ZNF541: variants seen among roughly 807,000 people sequenced by gnomAD.
ZNF541 encodes zinc finger protein 541.
A neutral mutation model predicts 123.5 loss-of-function variants in ZNF541; 23 were observed. The ratio of observed to expected loss-of-function variants is 0.19; its 90% CI spans 0.13 to 0.26. The LOEUF (loss-of-function observed/expected upper bound fraction) is 0.26. Ranked by LOEUF, ZNF541 falls within the 10% of genes least tolerant of loss-of-function variation. The probability of loss-of-function intolerance (pLI) is 1.00; values close to 1 mark genes in which losing one functional copy is unlikely to be tolerated. For synonymous variants in ZNF541, 751 were observed against 754.5 expected (o/e 1.00, Z 0.08); for missense variants, 1,612 against 1,789.9 (o/e 0.90, Z 1.79).
At chr19:47,553,010 G>A (rs1970670854) in intron 3 of ZNF541, among the ~76,000 whole-genome samples, 1 of 151,538 alleles carries the variant, frequency 6.6e-6, no homozygotes, top group Admixed American at 6.6e-5. Context: ...TCGGGAGGCT[G>A]AGGCAGGAGA....
chr19:47,560,159 T>C (rs1038784512), intron 2 of ZNF541, among the ~76,000 whole-genome samples: 1 of 152,094 alleles, frequency 6.6e-6, no homozygotes, highest in Non-Finnish European at 1.5e-5. Context: ...GTTGCAAACA[T>C]TAAAGTCAAA....
rs189786013 is a variant in ZNF541, at chr19:47,558,192, G to A, written c.-98-2238C>T. 4.3e-3 allele frequency among the ~76,000 whole-genome samples: 648 copies of A among 152,226 alleles called. 3 individuals are homozygous for A. The highest frequency in any genetic ancestry group is 0.011 in the South Asian group (54 of 4,820). ...AGCACTTTGGGAGACCGAGGTGGGC[G>A]GATCATGAGGTCAGGAGATCGAGAC... On this transcript the variant is annotated intron_variant, in intron 2 of 16. Transcript: ENST00000391901.
chr19:47,555,691 G>A lies in ZNF541; in HGVS notation c.166C>T (p.Pro56Ser). The A allele has an allele frequency of 6.4e-7, 1 of 1,551,752 alleles. No individual in the cohort carries two copies. Among genetic ancestry groups the A allele is most frequent in the Non-Finnish European group, 8.7e-7 (1 of 1,147,018 alleles). The change falls in exon 3 of 17, where the codon CCC becomes TCC. Residue 56 changes from proline (P) to serine (S), a missense_variant. Around this residue, in one of 5 missense-constraint regions of ZNF541, gnomAD observed 212 missense variants for 289.6 expected, o/e 0.73. Coordinates refer to ENST00000391901, the MANE Select transcript of ZNF541 (RefSeq NM_001277075.3). Reference protein sequence around the residue: ...YAGLSGLDPDPSLPTPDMSSE... With the variant: ...YAGLSGLDPDSSLPTPDMSSE... ...GACATGTCAGGCGTTGGGAGGCTGG[G>A]GTCCGGGTCCAGACCACTCAGGCCA...
chr19:47,565,350 A>G (rs1000871636), intron 2 of ZNF541, among the ~76,000 whole-genome samples: 1 of 152,182 alleles, frequency 6.6e-6, no homozygotes, highest in Non-Finnish European at 1.5e-5. Context: ...AACCCAGTAC[A>G]TCTGGATCAT....
chr19:47,553,262 G>A (rs117799967), intron 3 of ZNF541, among the ~76,000 whole-genome samples: 2,118 of 151,986 alleles, frequency 0.014, 33 homozygotes, highest in Middle Eastern at 0.054. Context: ...TTGTTGAGAT[G>A]GAGTCTCACT....
At chr19:47,528,248 G>A (rs1334644594) in intron 14 of ZNF541, among the ~76,000 whole-genome samples, 1 of 144,470 alleles carries the variant, frequency 6.9e-6, no homozygotes, top group Non-Finnish European at 1.5e-5. Context: ...CCGGGAGGCG[G>A]AGGTTGCGGT....
At position 47,521,079 on chromosome 19, in the gene ZNF541, A is replaced by G; in HGVS notation, c.*145T>C. The G allele has an allele frequency of 9.5e-7, 1 of 1,049,136 alleles. No individual in the cohort carries two copies. Among genetic ancestry groups the G allele is most frequent in the Admixed American group, 2.7e-5 (1 of 36,782 alleles). 65.0% of individuals were successfully genotyped at this position (1,049,136 alleles called of 1,614,324 possible). ...GAGCTCCTCCTGCCTATCTGTGGCC[A>G]AATGCCCTCCATGTTTGCAGGCAGG... On this transcript the variant is annotated 3_prime_UTR_variant, in exon 17 of 17. Coordinates refer to ENST00000391901, the MANE Select transcript of ZNF541 (RefSeq NM_001277075.3). This position sits in a 1 kb window ranked among gnomAD's most constrained non-coding sequence, Gnocchi z 4.2.
intron 12 of ZNF541, among the ~76,000 whole-genome samples, chr19:47,531,232 C>CG (rs61537082): frequency 1.0e-5 from 1 of 99,688 alleles, no homozygotes; most frequent in Non-Finnish European, 2.5e-5. Flanking sequence ...GAATTGTGAG[C>CG]GGGGGGGGGG....
intron 1 of ZNF541, among the ~76,000 whole-genome samples, chr19:47,572,378 G>C (rs1971505218): frequency 6.6e-6 from 1 of 152,068 alleles, no homozygotes; most frequent in Admixed American, 6.6e-5. Context: ...AGAGAAACTG[G>C]AAGGAATTAG....
At chr19:47,541,145 TG>T (rs1350471084) in intron 5 of ZNF541, among the ~76,000 whole-genome samples, 194 bp from the exon 6 acceptor site, 5 of 152,070 alleles carry the variant, frequency 3.3e-5, no homozygotes. Flanking sequence ...TAGCCAGGCG[TG>T]GTGGCTCATG....
In ZNF541 at chr19:47,539,729, G is replaced by C. The variant is rs749880032; in HGVS notation, c.2772C>G (p.Thr924=). Residue 924 remains threonine (T), a synonymous_variant, in exon 8 of 17, where the codon ACC becomes ACG. Coordinates refer to ENST00000391901, the MANE Select transcript of ZNF541 (RefSeq NM_001277075.3). ...VPQSIPVVPV[T]RHIGSMAMGQ... is the part of the protein sequence containing the mutation. ...CCATGGCCATGCTCCCTATGTGTCG[G>C]GTCACTGGAACCACGGGGATCGATT... 192 of 1,440,954 alleles carry C rather than the reference G, an allele frequency of 1.3e-4. No individual in the cohort carries two copies. Among genetic ancestry groups the C allele is most frequent in the Non-Finnish European group, 1.6e-4 (181 of 1,101,538 alleles). 89.3% of individuals were successfully genotyped at this position (1,440,954 alleles called of 1,614,324 possible). A position where few individuals can be genotyped will look rare whatever the true frequency, so the allele number is the denominator to read the frequency against.
intron 12 of ZNF541, among the ~76,000 whole-genome samples, chr19:47,530,837 G>C (rs1969533247): frequency 6.6e-6 from 1 of 151,808 alleles, no homozygotes; most frequent in Admixed American, 6.6e-5. Context: ...TTTTAGTAGA[G>C]ATGGGGTTTT....
At chr19:47,523,338 TTAAAAAA>T (rs1969132832) in intron 14 of ZNF541, among the ~76,000 whole-genome samples, 2 of 118,150 alleles carry the variant, frequency 1.7e-5, no homozygotes, top group African/African-American at 5.0e-5. Flanking sequence ...AGCGTCTCTT[TTAAAAAA>T]AAAAAAAAAA....
chr19:47,523,137 C>T (rs1343723293), intron 14 of ZNF541, among the ~76,000 whole-genome samples: 6 of 149,998 alleles, frequency 4.0e-5, no homozygotes, highest in Admixed American at 4.0e-4. Context: ...CAAGCAATTC[C>T]TCTGCCTCAG....
chr19:47,545,666 G>C lies in ZNF541; in HGVS notation c.863C>G (p.Pro288Arg). The C allele has an allele frequency of 1.9e-6, 3 of 1,549,370 alleles. No homozygotes were observed. The highest frequency in any genetic ancestry group is 2.6e-6 in the Non-Finnish European group (3 of 1,146,796). The change falls in exon 5 of 17, where the codon CCT becomes CGT. Residue 288 changes from proline (P) to arginine (R), a missense_variant. Transcript: ENST00000391901. This position sits in a 1 kb window ranked among gnomAD's most constrained non-coding sequence, Gnocchi z 7.5. ...IVSSIVHQKT[P>R]SPGPAPAGAS... ...CCCCGCCGGGGCTGGGCCAGGAGAAGGGGTCTTCTGGTGGACGATGCTACT... is the reference window on the plus strand; with the variant it reads ...CCCCGCCGGGGCTGGGCCAGGAGAACGGGTCTTCTGGTGGACGATGCTACT...
chr19:47,566,459 G>T (rs1971266864), intron 2 of ZNF541, among the ~76,000 whole-genome samples: 2 of 152,064 alleles, frequency 1.3e-5, no homozygotes, highest in Admixed American at 1.3e-4. Context: ...TTAAAGAATA[G>T]ATGGGGCCAG....
intron 2 of ZNF541, among the ~76,000 whole-genome samples, chr19:47,564,822 G>A (rs1016695758): frequency 6.6e-5 from 10 of 152,164 alleles, no homozygotes; most frequent in African/African-American, 2.4e-4. Flanking sequence ...CTACCCAGAG[G>A]AAAAGAAGTC....
chr19:47,545,729 G>T lies in ZNF541; in HGVS notation c.800C>A (p.Ser267Tyr). ...CAGGAGGTCCCGGTGGGGCAGGAGG[G>T]AGCCGGGGGACCTGGCCTCTGGGGG... The part of the protein sequence containing the change: ...LVPPEARSPG[S>Y]LLPHRDLLRR... Residue 267 changes from serine (S) to tyrosine (Y), a missense_variant, in exon 5 of 17, where the codon TCC becomes TAC. Transcript: ENST00000391901. This position sits in a 1 kb window ranked among gnomAD's most constrained non-coding sequence, Gnocchi z 7.5. 1 of 1,545,674 alleles carries T rather than the reference G, an allele frequency of 6.5e-7. No individual in the cohort carries two copies.
intron 3 of ZNF541, among the ~76,000 whole-genome samples, chr19:47,552,436 A>G (rs190722085): frequency 6.0e-4 from 92 of 152,224 alleles, no homozygotes; most frequent in African/African-American, 2.1e-3. Context: ...AATTACTATA[A>G]TGAGTAGTCA....
Sources: allele counts gnomAD v4.1 joint callset (sites outside exome capture counted in the v4.1 genomes callset), GRCh38; gene constraint gnomAD v4.1.1; regional missense constraint gnomAD v4.1.1; non-coding constraint Gnocchi (gnomAD v3.1); transcripts MANE v1.5; gene names NCBI Gene and HGNC (gene_info 2026-07-23, HGNC 2026-07-21).